Variants in SCP2 observed in about 807,000 individuals in gnomAD.
SCP2 encodes SCP-2/3-oxoacyl-CoA thiolase.
Under a neutral mutation model 71.4 loss-of-function variants are expected in SCP2, and 48 were observed. That is an observed-to-expected ratio of 0.67 (90% CI 0.53 to 0.86). SCP2 has a LOEUF of 0.86. Ranked by LOEUF, SCP2 falls within the 40% of genes least tolerant of loss-of-function variation. The pLI is 0.00. For missense variants in SCP2, 560 were observed against 655.6 expected, an observed-to-expected ratio of 0.85 and a Z score of 1.59; for synonymous variants, 220 against 218.1, an observed-to-expected ratio of 1.01 and a Z score of -0.08.
chr1:52,948,879 G>A (rs1033702600), intron 3 of SCP2, among the ~76,000 whole-genome samples: 1 of 151,604 alleles, frequency 6.6e-6, no homozygotes, highest in African/African-American at 2.4e-5. Flanking sequence ...CACAGAACTC[G>A]TTCATCTTAT....
At chr1:52,990,186 G>GCAA (rs1257678961) in intron 11 of SCP2, among the ~76,000 whole-genome samples, 2 of 151,754 alleles carry the variant, frequency 1.3e-5, no homozygotes, top group African/African-American at 4.8e-5. Flanking sequence ...ACAATAAACA[G>GCAA]CAACAACAAC....
chr1:53,026,126 A>G (rs955732024), intron 12 of SCP2, among the ~76,000 whole-genome samples: 4 of 151,904 alleles, frequency 2.6e-5, no homozygotes, highest in African/African-American at 9.7e-5. Context: ...ATTATTTTTT[A>G]TTGATGCATA....
At chr1:52,927,576 G>A in intron 1 of SCP2, 111 bp downstream of exon 1, 1 of 821,440 alleles carries the variant, frequency 1.2e-6, no homozygotes, top group Non-Finnish European at 2.0e-6. Context: ...GTGGGTCATC[G>A]GCGTGGCGAC....
intron 1 of SCP2, among the ~76,000 whole-genome samples, chr1:52,931,284 C>A (rs1406031990): frequency 6.6e-6 from 1 of 152,138 alleles, no homozygotes; most frequent in Non-Finnish European, 1.5e-5. Context: ...AGCCTCCCAG[C>A]AGAACTCCAG....
chr1:53,030,515 A>G (rs1662459320), intron 13 of SCP2, among the ~76,000 whole-genome samples: 1 of 152,058 alleles, frequency 6.6e-6, no homozygotes. Flanking sequence ...ATTTATTTTT[A>G]TTTTTGTAAA....
intron 6 of SCP2, among the ~76,000 whole-genome samples, chr1:52,970,405 C>T (rs1657360050): frequency 1.3e-5 from 2 of 152,204 alleles, no homozygotes; most frequent in South Asian, 4.1e-4. Flanking sequence ...GTACCTTGTC[C>T]TCTTTTGCTG....
Position 53,038,935 on chromosome 1 carries a change from A to G in SCP2, c.1357A>G (p.Lys453Glu), listed in dbSNP as rs1663215104. The change falls in exon 14 of 16, where the codon AAG becomes GAG. Residue 453 changes from lysine (K) to glutamate (E), a missense_variant. Lys to Glu is a moderately conservative substitution (Grantham distance 56). Around this residue, in one of 3 missense-constraint regions of SCP2, gnomAD observed 513 missense variants for 573.1 expected, o/e 0.90. Coordinates refer to ENST00000371514, the MANE Select transcript of SCP2 (RefSeq NM_002979.5). ...KLEEEGEQFV[K>E]KIGGIFAFKV... ...TTTCCAGGAAGGGGAACAGTTTGTG[A>G]AGAAAATCGGTGGTATTTTTGCCTT... The G allele has an allele frequency of 2.5e-6, 4 of 1,614,036 alleles. No individual in the cohort carries two copies. The highest frequency in any genetic ancestry group is 3.4e-6 in the Non-Finnish European group (4 of 1,180,002).
intron 12 of SCP2, among the ~76,000 whole-genome samples, chr1:53,023,139 T>G (rs1435292757): frequency 6.6e-6 from 1 of 152,180 alleles, no homozygotes; most frequent in Non-Finnish European, 1.5e-5. Flanking sequence ...AATGAGGGGT[T>G]TTCAGAAAAC....
chr1:52,989,997 G>A (rs1427110820), intron 11 of SCP2, among the ~76,000 whole-genome samples: 1 of 152,196 alleles, frequency 6.6e-6, no homozygotes, highest in Non-Finnish European at 1.5e-5. Context: ...CTGCCTGGCT[G>A]AGTACCACAT....
At chr1:52,995,537 C>T (rs1332316185) in intron 11 of SCP2, 3 of 447,362 alleles carry the variant, frequency 6.7e-6, no homozygotes, top group African/African-American at 2.0e-5. Flanking sequence ...CTCTCACCAG[C>T]TGTGGAAGCT....
chr1:52,994,737 C>T (rs1372939943), intron 11 of SCP2: 9 of 712,126 alleles, frequency 1.3e-5, no homozygotes, highest in East Asian at 4.7e-5. Flanking sequence ...TGAGGGAAAT[C>T]GTGCACATCC....
At chr1:52,956,684 G>T (rs1306004928) in intron 5 of SCP2, among the ~76,000 whole-genome samples, 5 of 152,092 alleles carry the variant, frequency 3.3e-5, no homozygotes, top group Admixed American at 2.6e-4. Flanking sequence ...AAACTGTCTG[G>T]ATTAGAGTGG....
intron 3 of SCP2, among the ~76,000 whole-genome samples, chr1:52,950,008 G>A (rs1655148055): frequency 6.6e-6 from 1 of 152,172 alleles, no homozygotes; most frequent in African/African-American, 2.4e-5. Flanking sequence ...TGTTTTCCTG[G>A]AATGCCTTGG....
At chr1:52,957,398 C>A (rs984168042) in intron 5 of SCP2, among the ~76,000 whole-genome samples, 1 of 152,208 alleles carries the variant, frequency 6.6e-6, no homozygotes, top group Non-Finnish European at 1.5e-5. Flanking sequence ...CTGGGGTACC[C>A]CCCTTGCCCA....
intron 11 of SCP2, among the ~76,000 whole-genome samples, chr1:53,004,678 G>A (rs1366357363): frequency 1.3e-5 from 2 of 152,226 alleles, no homozygotes; most frequent in Non-Finnish European, 2.9e-5. Context: ...TGGCCAAATA[G>A]GAGCAGCTCC....
intron 4 of SCP2, among the ~76,000 whole-genome samples, chr1:52,952,479 G>C (rs1655403490): frequency 1.3e-5 from 2 of 152,128 alleles, no homozygotes; most frequent in South Asian, 4.1e-4. Context: ...TTCCTGCCTT[G>C]GCCCCTCAAA....
intron 5 of SCP2, 130 bp from the exon 6 acceptor site, chr1:52,961,373 T>A: frequency 2.2e-6 from 2 of 925,018 alleles, no homozygotes; most frequent in South Asian, 3.0e-5. Flanking sequence ...CTTAACTGAT[T>A]TGATTCACAT....
intron 2 of SCP2, among the ~76,000 whole-genome samples, chr1:52,944,257 A>G (rs1179007793): frequency 6.6e-6 from 1 of 152,192 alleles, no homozygotes; most frequent in Admixed American, 6.5e-5. Flanking sequence ...GTTCCTGCTT[A>G]TTACCATAAG....
At chr1:52,935,487 G>C (rs1653641062) in intron 1 of SCP2, among the ~76,000 whole-genome samples, 1 of 151,896 alleles carries the variant, frequency 6.6e-6, no homozygotes, top group Non-Finnish European at 1.5e-5. Context: ...CTACTCGAGA[G>C]GCTGAGGCAG....
Sources: gnomAD v4.1 joint callset for allele counts (sites outside exome capture counted in the v4.1 genomes callset) on GRCh38, gnomAD v4.1.1 for gene constraint, gnomAD v4.1.1 regional missense constraint, MANE v1.5 for transcripts, NCBI Gene and HGNC (gene_info 2026-07-23, HGNC 2026-07-21) for gene names.